STMN2: variants seen among roughly 807,000 people sequenced by gnomAD.
The protein encoded by STMN2 is stathmin-2.
A neutral mutation model predicts 24.1 loss-of-function variants in STMN2; 2 were observed. That is an observed-to-expected ratio of 0.08 (90% confidence interval 0.03 to 0.26). The LOEUF is 0.26. Ranked by LOEUF, STMN2 falls within the 10% of genes least tolerant of loss-of-function variation. The pLI, the probability that STMN2 is intolerant of heterozygous loss-of-function variation, is 1.00. For synonymous variants in STMN2, 83 were observed against 77.5 expected, an observed-to-expected ratio of 1.07 and a Z score of -0.37; for missense variants, 114 against 213.6, an observed-to-expected ratio of 0.53 and a Z score of 2.91.
At chr8:79,624,378 CG>C (rs1353151160) in intron 1 of STMN2, among the ~76,000 whole-genome samples, 4 of 140,518 alleles carry the variant, frequency 2.8e-5, no homozygotes, top group African/African-American at 1.1e-4. Context: ...GGCGTGAATC[CG>C]GGAGGGGGAG....
At chr8:79,615,294 C>A (rs1208970808) in intron 1 of STMN2, among the ~76,000 whole-genome samples, 1 of 152,194 alleles carries the variant, frequency 6.6e-6, no homozygotes, top group Non-Finnish European at 1.5e-5. Context: ...ACCTTGGTAG[C>A]TCATTGCTCA....
In STMN2 at chr8:79,664,919, G is replaced by A. The variant is rs895725938; in HGVS notation, c.*45G>A. On this transcript the variant is annotated 3_prime_UTR_variant, in exon 5 of 5. Coordinates refer to ENST00000220876, the MANE Select transcript of STMN2 (RefSeq NM_007029.4). ...CGCCCCACCAATAGTAAATCCCCCT[G>A]CCTATATTATAATGGATCATGCGAT... is the stretch of plus-strand genomic sequence containing the variant. 2 of 1,585,414 alleles carry A rather than the reference G, an allele frequency of 1.3e-6. No homozygotes were observed. The highest frequency in any genetic ancestry group is 1.7e-5 in the Admixed American group (1 of 58,612).
chr8:79,611,335 G>A (rs924320867), intron 1 of STMN2, 121 bp downstream of exon 1: 22 of 1,321,354 alleles, frequency 1.7e-5, no homozygotes, highest in Admixed American at 3.9e-5. Context: ...TGGTAACACA[G>A]GACCAGGAAG....
intron 3 of STMN2, among the ~76,000 whole-genome samples, chr8:79,650,759 G>A (rs776029119): frequency 3.7e-4 from 56 of 152,132 alleles, no homozygotes; most frequent in Non-Finnish European, 4.9e-4. Flanking sequence ...GGTTATTAGC[G>A]CCCCTGAATA....
chr8:79,657,272 T>A (rs1007862971), intron 4 of STMN2, among the ~76,000 whole-genome samples: 13 of 152,238 alleles, frequency 8.5e-5, no homozygotes, highest in Non-Finnish European at 1.6e-4. Context: ...GGACCATTTT[T>A]TTCCTCTGTG....
intron 2 of STMN2, among the ~76,000 whole-genome samples, chr8:79,637,443 G>T (rs565588471): frequency 3.9e-5 from 6 of 152,246 alleles, no homozygotes; most frequent in Non-Finnish European, 8.8e-5. Context: ...GAATTAGCAT[G>T]GCAATTAACA....
intron 4 of STMN2, 127 bp from the exon 5 acceptor site, chr8:79,664,688 C>CCTCT (rs71571542): frequency 0.37 from 249,090 of 670,732 alleles, 53,165 homozygotes; most frequent in Non-Finnish European, 0.44. Flanking sequence ...CCCATATTTT[C>CCTCT]CTTCTGAAAT....
intron 3 of STMN2, among the ~76,000 whole-genome samples, chr8:79,643,906 G>A (rs1342490446): frequency 6.6e-6 from 1 of 151,576 alleles, no homozygotes; most frequent in African/African-American, 2.4e-5. Context: ...ATTTTGTAAT[G>A]CAAAAATAAC....
At chr8:79,649,044 T>C (rs971145111) in intron 3 of STMN2, among the ~76,000 whole-genome samples, 2 of 152,188 alleles carry the variant, frequency 1.3e-5, no homozygotes, top group Non-Finnish European at 2.9e-5. Context: ...AAGGAAGATG[T>C]GTTGCTTATT....
intron 3 of STMN2, among the ~76,000 whole-genome samples, chr8:79,643,973 T>C (rs1810165428): frequency 6.6e-6 from 1 of 152,056 alleles, no homozygotes; most frequent in Admixed American, 6.5e-5. Flanking sequence ...TGGTTTTTTT[T>C]TGTTAATGGT....
At chr8:79,654,496 T>C (rs1375558335) in intron 3 of STMN2, among the ~76,000 whole-genome samples, 1 of 152,214 alleles carries the variant, frequency 6.6e-6, no homozygotes, top group African/African-American at 2.4e-5. Context: ...CTTGTCTCAG[T>C]CCTCAACTGT....
chr8:79,662,323 A>G (rs1011189893), intron 4 of STMN2, among the ~76,000 whole-genome samples: 2 of 152,106 alleles, frequency 1.3e-5, no homozygotes, highest in African/African-American at 4.8e-5. Flanking sequence ...AAATATCAGG[A>G]GATCAATAAT....
intron 1 of STMN2, among the ~76,000 whole-genome samples, chr8:79,614,182 G>A (rs975049582): frequency 1.3e-5 from 2 of 151,930 alleles, no homozygotes; most frequent in African/African-American, 4.8e-5. Flanking sequence ...TAATTTAACT[G>A]CATTTGCAAA....
chr8:79,650,535 C>G (rs1810312971), intron 3 of STMN2, among the ~76,000 whole-genome samples: 1 of 152,170 alleles, frequency 6.6e-6, no homozygotes, highest in African/African-American at 2.4e-5. Context: ...CCTATTTGCT[C>G]ATTGGAATTA....
intron 1 of STMN2, among the ~76,000 whole-genome samples, chr8:79,626,552 AGAGAAGAG>A: frequency 6.6e-6 from 1 of 152,196 alleles, no homozygotes; most frequent in South Asian, 2.1e-4. Context: ...AATTTAGTGG[AGAGAAGAG>A]TTGACCTCAA....
At chr8:79,653,441 G>A (rs760240606) in intron 3 of STMN2, among the ~76,000 whole-genome samples, 1 of 152,150 alleles carries the variant, frequency 6.6e-6, no homozygotes, top group East Asian at 1.9e-4. Context: ...GCAAGAGGCA[G>A]GGCTGGTTCC....
chr8:79,647,027 A>T (rs1810233224), intron 3 of STMN2, among the ~76,000 whole-genome samples: 1 of 152,146 alleles, frequency 6.6e-6, no homozygotes, highest in Non-Finnish European at 1.5e-5. Context: ...TGCAAACTCC[A>T]TTATATAAGC....
intron 2 of STMN2, among the ~76,000 whole-genome samples, chr8:79,638,938 A>G (rs1810031074): frequency 6.6e-6 from 1 of 152,152 alleles, no homozygotes; most frequent in African/African-American, 2.4e-5. Context: ...ATAAAATTGT[A>G]TTTAAAATTT....
At chr8:79,663,123 A>G (rs1373318065) in intron 4 of STMN2, among the ~76,000 whole-genome samples, 4 of 152,128 alleles carry the variant, frequency 2.6e-5, no homozygotes, top group African/African-American at 9.6e-5. Context: ...TCTAGAGTCA[A>G]CTTCCTGCTT....
Sources: allele counts gnomAD v4.1 joint callset (sites outside exome capture counted in the v4.1 genomes callset), GRCh38; gene constraint gnomAD v4.1.1; transcripts MANE v1.5; gene names NCBI Gene and HGNC (gene_info 2026-07-23, HGNC 2026-07-21).